The following AQP11 variants were observed in gnomAD, a reference collection of about 807,000 sequenced individuals.
AQP11 encodes aquaporin 11.
Under a neutral mutation model 21.1 loss-of-function variants are expected in AQP11, and 20 were observed. The ratio of observed to expected loss-of-function variants is 0.95; its 90% CI spans 0.67 to 1.38. AQP11 has a LOEUF of 1.38. Among genes scored for constraint, AQP11 ranks in the 40% most tolerant of loss-of-function variants. The pLI is 0.00. For synonymous variants in AQP11, 167 were observed against 150.1 expected, an observed-to-expected ratio of 1.11 and a Z score of -0.82; for missense variants, 339 against 340.4, an observed-to-expected ratio of 1.00 and a Z score of 0.03.
intron 2 of AQP11, 70 bp downstream of exon 2, chr11:77,603,742 G>C: frequency 9.0e-7 from 1 of 1,108,884 alleles, no homozygotes; most frequent in South Asian, 2.0e-5. Context: ...GTATATCATT[G>C]TAACATGTCA....
In AQP11 at chr11:77,601,807, A is replaced by G. The variant is rs1958817038; in HGVS notation, c.620-1749A>G. 2.0e-5 allele frequency among the ~76,000 whole-genome samples: 3 copies of G among 152,180 alleles called. 1 individual carries two copies. Among genetic ancestry groups the G allele is most frequent in the Admixed American group, 2.0e-4 (3 of 15,276 alleles). On this transcript the variant is annotated intron_variant, in intron 1 of 2. Transcript: ENST00000313578. The stretch of plus-strand genomic sequence containing the variant: ...GTCTGGCAGTTGTCAGCTGTCATCT[A>G]AGATGCCTCAGTTCTCTTCCGTGTG...
rs573756678 is a variant in AQP11 at position 77,597,866 on chromosome 11, G to C, written c.620-5690G>C. 3.0e-4 allele frequency among the ~76,000 whole-genome samples: 46 copies of C among 152,090 alleles called. 1 individual carries two copies. Among genetic ancestry groups the C allele is most frequent in the African/African-American group, 1.1e-3 (45 of 41,510 alleles). On this transcript the variant is annotated intron_variant, in intron 1 of 2. Coordinates refer to ENST00000313578, the MANE Select transcript of AQP11 (RefSeq NM_173039.3). ...ACCCCCAGGTTCAAGCGATTCTCCTGCCTCAGCCTCCCGAGTAGCTGGGAT... is the reference window on the plus strand; with the variant it reads ...ACCCCCAGGTTCAAGCGATTCTCCTCCCTCAGCCTCCCGAGTAGCTGGGAT...
rs377085825 is a variant in AQP11 at position 77,590,058 on chromosome 11, G to A, written c.66G>A (p.Leu22=). The stretch of plus-strand genomic sequence containing the variant: ...CCTGCACCTCGCTGGGACTGATGCT[G>A]TCGGTGGTGCTGCTCATGGGGCTGG... ...QDTCTSLGLM[L]SVVLLMGLAR... Residue 22 remains leucine, a synonymous_variant, in exon 1 of 3, where the codon CTG becomes CTA. Coordinates refer to ENST00000313578, the MANE Select transcript of AQP11 (RefSeq NM_173039.3). 1.3e-6 allele frequency: 2 copies of A among 1,598,548 alleles called. No homozygotes were observed. Among genetic ancestry groups the A allele is most frequent in the African/African-American group, 1.3e-5 (1 of 74,666 alleles).
rs963690687 is a variant in AQP11, at chr11:77,590,704, C to T, written c.619+93C>T. ...CTAAAATACATTTGAAACCGTCTAT[C>T]CCGCTATGATGTAAATGCTGGTATC... On this transcript the variant is annotated intron_variant, in intron 1 of 2. Transcript: ENST00000313578. The T allele has an allele frequency of 5.3e-6, 8 of 1,512,850 alleles. No individual in the cohort carries two copies. The African/African-American group carries it at 7.0e-5, about 13-fold the overall frequency. The allele number at this position is 1,512,850 out of a possible 1,614,324, so 93.7% of individuals were successfully genotyped here. A position where few individuals can be genotyped will look rare whatever the true frequency, so the allele number is the denominator to read the frequency against.
chr11:77,590,262 C>T lies in AQP11; in HGVS notation c.270C>T (p.Gly90=), dbSNP rs147789461. The T allele has an allele frequency of 9.1e-5, 146 of 1,602,372 alleles. No homozygotes were observed. In the African/African-American group the frequency reaches 1.9e-3, roughly 21 times the overall value. ...TCTACTTCTTCTCGCTTGTGCATGG[C>T]CTGACTCTGGTGGGCACGTCCAGCA... ...TLVYFFSLVH[G]LTLVGTSSNP... The change falls in exon 1 of 3, where the codon GGC becomes GGT. Residue 90 remains glycine (G), a synonymous_variant. Coordinates refer to ENST00000313578, the MANE Select transcript of AQP11 (RefSeq NM_173039.3).
rs188751770 is a variant in AQP11, at chr11:77,610,305, T to A, written c.*928T>A. 29 of 152,348 alleles carry A rather than the reference T, an allele frequency of 1.9e-4. No individual in the cohort carries two copies. The East Asian group carries it at 5.4e-3, about 28-fold the overall frequency. The allele number at this position is 152,348 out of a possible 1,614,324, so 9.4% of individuals were successfully genotyped here. ...TACTTTATAATAACGTTAAAACTTG[T>A]TTAGAAATTAACTAGTATTTTTTGA... On this transcript the variant is annotated 3_prime_UTR_variant, in exon 3 of 3. Coordinates refer to ENST00000313578, the MANE Select transcript of AQP11 (RefSeq NM_173039.3).
At chr11:77,600,216 A>C (rs1958807950) in intron 1 of AQP11, among the ~76,000 whole-genome samples, 1 of 148,936 alleles carries the variant, frequency 6.7e-6, no homozygotes, top group Non-Finnish European at 1.5e-5. Context: ...CGATACACCC[A>C]CCTCGCCCTC....
In AQP11 at chr11:77,590,367, G is replaced by A; in HGVS notation, c.375G>A (p.Leu125=). The change falls in exon 1 of 3, where the codon CTG becomes CTA. Residue 125 remains leucine (L), a synonymous_variant. Coordinates refer to ENST00000313578, the MANE Select transcript of AQP11 (RefSeq NM_173039.3). Reference sequence around the variant, plus strand: ...GTGCGGTGAGGCTATTGGCTCAGCTGGTTAGTGCCCTGTGCAGCAGGTACT... The same window carrying A: ...GTGCGGTGAGGCTATTGGCTCAGCTAGTTAGTGCCCTGTGCAGCAGGTACT... ...ETGAVRLLAQ[L]VSALCSRYCT... The A allele has an allele frequency of 6.2e-7, 1 of 1,613,776 alleles. No individual in the cohort carries two copies. Among genetic ancestry groups the A allele is most frequent in the Non-Finnish European group, 8.5e-7 (1 of 1,179,900 alleles).
At chr11:77,600,266 G>A (rs956155730) in intron 1 of AQP11, among the ~76,000 whole-genome samples, 19 of 152,074 alleles carry the variant, frequency 1.2e-4, no homozygotes, top group African/African-American at 4.3e-4. Context: ...ACTGCGCCCA[G>A]CCAGGAATGA....
intron 2 of AQP11, among the ~76,000 whole-genome samples, chr11:77,606,746 A>G (rs1366344309): frequency 1.3e-5 from 2 of 152,036 alleles, no homozygotes; most frequent in African/African-American, 4.8e-5. Context: ...GGGTTTCTAT[A>G]AAACCACACC....
intron 1 of AQP11, among the ~76,000 whole-genome samples, chr11:77,602,434 TTC>T (rs1157470108): frequency 6.6e-6 from 1 of 152,226 alleles, no homozygotes; most frequent in Non-Finnish European, 1.5e-5. Context: ...AACCAGACAA[TTC>T]TGTTCACCCT....
At chr11:77,599,335 AG>A (rs1958801931) in intron 1 of AQP11, among the ~76,000 whole-genome samples, 1 of 152,188 alleles carries the variant, frequency 6.6e-6, no homozygotes, top group Non-Finnish European at 1.5e-5. Flanking sequence ...TTTGTTACAT[AG>A]GTATACATGT....
At chr11:77,601,529 T>G (rs1364559490) in intron 1 of AQP11, among the ~76,000 whole-genome samples, 2 of 152,028 alleles carry the variant, frequency 1.3e-5, no homozygotes, top group African/African-American at 4.8e-5. Context: ...TTTGTATTTC[T>G]TATAGAAACG....
intron 1 of AQP11, chr11:77,591,290 C>A (rs1431947268): frequency 1.0e-6 from 1 of 984,264 alleles, no homozygotes. Context: ...TCTTTTAAAC[C>A]ATTTGTTTAC....
Position 77,590,568 on chromosome 11 carries a change from T to C in AQP11, c.576T>C (p.Arg192=), listed in dbSNP as rs1211658528. 3 of 1,614,188 alleles carry C rather than the reference T, an allele frequency of 1.9e-6. No individual in the cohort carries two copies. The highest frequency in any genetic ancestry group is 2.2e-5 in the South Asian group (2 of 91,078). The change falls in exon 1 of 3, where the codon CGT becomes CGC. Residue 192 remains arginine (R), a synonymous_variant. Transcript: ENST00000313578. ...LHFQEVRTKL[R]IHLLAALITF... ...TCCAGGAAGTCCGAACCAAGCTTCG[T>C]ATCCACCTGCTGGCTGCACTCATCA... is the stretch of plus-strand genomic sequence containing the variant.
At chr11:77,605,579 G>T (rs1269969985) in intron 2 of AQP11, among the ~76,000 whole-genome samples, 1 of 152,102 alleles carries the variant, frequency 6.6e-6, no homozygotes, top group Middle Eastern at 3.2e-3. Context: ...GAGCAATCTA[G>T]GTTACACACT....
chr11:77,591,151 T>A, intron 1 of AQP11: 1 of 961,196 alleles, frequency 1.0e-6, no homozygotes, highest in Non-Finnish European at 1.2e-6. Flanking sequence ...AAATTTCTTA[T>A]TTCCTTAATA....
At chr11:77,605,973 G>T (rs1329923245) in intron 2 of AQP11, among the ~76,000 whole-genome samples, 2 of 150,630 alleles carry the variant, frequency 1.3e-5, no homozygotes, top group African/African-American at 4.9e-5. Context: ...AACTCAGGAG[G>T]TGGAGGTTGC....
At chr11:77,604,476 GT>G (rs1958832925) in intron 2 of AQP11, among the ~76,000 whole-genome samples, 1 of 152,118 alleles carries the variant, frequency 6.6e-6, no homozygotes, top group South Asian at 2.1e-4. Context: ...TATTGATTTT[GT>G]TTAGTCATCT....
Sources: allele counts gnomAD v4.1 joint callset (sites outside exome capture counted in the v4.1 genomes callset), GRCh38; gene constraint gnomAD v4.1.1; transcripts MANE v1.5; gene names NCBI Gene and HGNC (gene_info 2026-07-23, HGNC 2026-07-21).